The following GLDC variants were observed in gnomAD, a reference collection of about 807,000 sequenced individuals.
The protein encoded by GLDC is glycine dehydrogenase (decarboxylating), mitochondrial.
Under a neutral mutation model 121.3 loss-of-function variants are expected in GLDC, and 104 were observed. The observed-to-expected ratio is 0.86, with a 90% CI of 0.73 to 1.01. The LOEUF (loss-of-function observed/expected upper bound fraction) is 1.01. GLDC is among the 50% of genes least tolerant of loss of function. The pLI is 0.00. For missense variants in GLDC, 1,429 were observed against 1,306.6 expected, an observed-to-expected ratio of 1.09 and a Z score of -1.44; for synonymous variants, 546 against 480.6, an observed-to-expected ratio of 1.14 and a Z score of -1.78.
chr9:6,570,661 C>T (rs1488238162), intron 15 of GLDC, among the ~76,000 whole-genome samples: 1 of 152,088 alleles, frequency 6.6e-6, no homozygotes, highest in African/African-American at 2.4e-5. Flanking sequence ...CGAGACCAAC[C>T]TGGCCAACAT....
At chr9:6,613,208 G>C (rs895633936) in intron 3 of GLDC, among the ~76,000 whole-genome samples, 4 of 152,174 alleles carry the variant, frequency 2.6e-5, no homozygotes, top group Non-Finnish European at 5.9e-5. Flanking sequence ...TTTGTAACAA[G>C]TTGGAAAATC....
chr9:6,592,187 C>G lies in GLDC; in HGVS notation c.1438G>C (p.Asp480His), dbSNP rs1818387907. 6.2e-7 allele frequency: 1 copy of G among 1,608,802 alleles called. No individual in the cohort carries two copies. Among genetic ancestry groups the G allele is most frequent in the Admixed American group, 1.7e-5 (1 of 60,002 alleles). The change falls in exon 11 of 25, where the codon GAT (aspartate) becomes CAT (histidine). Residue 480 changes from aspartate to histidine, a missense_variant. Asp to His is a moderately conservative substitution (Grantham distance 81). Coordinates refer to ENST00000321612, the MANE Select transcript of GLDC (RefSeq NM_000170.3). ...ISLDETVNEK[D>H]LDDLLWIFGC... ...AAGATCCACAACAAATCGTCCAGAT[C>G]TTTTTCATTGACTGTTTCATCAAGA...
intron 21 of GLDC, among the ~76,000 whole-genome samples, chr9:6,549,620 C>T (rs1817467824): frequency 6.6e-6 from 1 of 152,142 alleles, no homozygotes; most frequent in Non-Finnish European, 1.5e-5. Context: ...CAAGACTCAG[C>T]TATTAGGTCC....
At chr9:6,643,172 A>G (rs925974170) in intron 2 of GLDC, among the ~76,000 whole-genome samples, 3 of 152,126 alleles carry the variant, frequency 2.0e-5, no homozygotes, top group Non-Finnish European at 4.4e-5. Context: ...TGCTGAGATT[A>G]TAGGCATTTG....
At chr9:6,632,966 C>G (rs941840371) in intron 2 of GLDC, among the ~76,000 whole-genome samples, 21 of 151,878 alleles carry the variant, frequency 1.4e-4, no homozygotes, top group African/African-American at 4.8e-4. Flanking sequence ...CACCCAGATG[C>G]TCTCAGCAGA....
At chr9:6,631,056 T>A (rs1393668195) in intron 2 of GLDC, among the ~76,000 whole-genome samples, 1 of 152,198 alleles carries the variant, frequency 6.6e-6, no homozygotes, top group Non-Finnish European at 1.5e-5. Context: ...AAACTGAACC[T>A]AAAACCCTTG....
intron 3 of GLDC, among the ~76,000 whole-genome samples, chr9:6,612,938 G>A (rs990509334): frequency 4.6e-5 from 7 of 152,118 alleles, no homozygotes; most frequent in African/African-American, 9.7e-5. Context: ...CTGCACTCCC[G>A]CCTGGGTGAC....
At chr9:6,625,373 A>G (rs1236713122) in intron 2 of GLDC, among the ~76,000 whole-genome samples, 2 of 152,204 alleles carry the variant, frequency 1.3e-5, no homozygotes, top group African/African-American at 4.8e-5. Context: ...TCAATGGCTG[A>G]CTTTATTTGG....
intron 3 of GLDC, among the ~76,000 whole-genome samples, chr9:6,611,482 C>T (rs530850997): frequency 2.7e-5 from 4 of 150,800 alleles, no homozygotes; most frequent in African/African-American, 4.9e-5. Flanking sequence ...CTTGAACCCG[C>T]GGGGCGGAGG....
chr9:6,587,905 GA>G (rs954973452), intron 14 of GLDC, among the ~76,000 whole-genome samples: 1 of 150,538 alleles, frequency 6.6e-6, no homozygotes, highest in Non-Finnish European at 1.5e-5. Context: ...ATGAAAGAAA[GA>G]AAAAAAAAGC....
chr9:6,612,884 G>T (rs974333541), intron 3 of GLDC, among the ~76,000 whole-genome samples: 1 of 151,552 alleles, frequency 6.6e-6, no homozygotes, highest in East Asian at 1.9e-4. Context: ...ATAACCATGA[G>T]GCTGGAGGAT....
chr9:6,534,614 G>A (rs527751660), intron 24 of GLDC, 94 bp downstream of exon 24: 4 of 735,726 alleles, frequency 5.4e-6, no homozygotes, highest in Non-Finnish European at 9.9e-6. Context: ...CCCACATATG[G>A]TTTCTGTAAT....
At chr9:6,617,179 C>T (rs1249002318) in intron 3 of GLDC, among the ~76,000 whole-genome samples, 1 of 152,174 alleles carries the variant, frequency 6.6e-6, no homozygotes, top group Non-Finnish European at 1.5e-5. Context: ...CCCACATGTG[C>T]ACAGCCCTCC....
chr9:6,620,642 G>T (rs895043140), intron 2 of GLDC, among the ~76,000 whole-genome samples: 1 of 152,018 alleles, frequency 6.6e-6, no homozygotes, highest in African/African-American at 2.4e-5. Context: ...TATTTCTGCT[G>T]TATATACGCT....
intron 2 of GLDC, among the ~76,000 whole-genome samples, chr9:6,622,457 T>C (rs905071020): frequency 5.9e-5 from 9 of 151,336 alleles, no homozygotes; most frequent in South Asian, 2.1e-4. Flanking sequence ...TTGGCCGGGC[T>C]GGTCTCCAGC....
At chr9:6,588,255 T>C (rs531575589) in intron 14 of GLDC, 146 bp downstream of exon 14, 71 of 750,094 alleles carry the variant, frequency 9.5e-5, no homozygotes, top group Non-Finnish European at 1.5e-4. Context: ...ACTCCCAAGA[T>C]TGGTGAATAG....
intron 8 of GLDC, among the ~76,000 whole-genome samples, chr9:6,599,720 C>CAAAAAAAAAA (rs549444099): frequency 6.3e-4 from 76 of 120,712 alleles, no homozygotes; most frequent in African/African-American, 2.4e-3. Flanking sequence ...GACTCCATCT[C>CAAAAAAAAAA]AAAAAAAAAA....
chr9:6,570,260 A>T (rs928329296), intron 15 of GLDC, among the ~76,000 whole-genome samples: 3 of 152,254 alleles, frequency 2.0e-5, no homozygotes, highest in Non-Finnish European at 2.9e-5. Context: ...TTTTTATACA[A>T]GTCAAAAGAT....
rs754670348 is a variant in GLDC at position 6,553,492 on chromosome 9, G to C, written c.2333C>G (p.Pro778Arg). The C allele has an allele frequency of 6.2e-7, 1 of 1,612,734 alleles. No homozygotes were observed. The highest frequency in any genetic ancestry group is 8.5e-7 in the Non-Finnish European group (1 of 1,179,516). Residue 778 changes from proline to arginine, a missense_variant, in exon 20 of 25, where the codon CCG becomes CGG. By Grantham distance (103) the Pro-to-Arg change is moderately radical (BLOSUM62 -2). Coordinates refer to ENST00000321612, the MANE Select transcript of GLDC (RefSeq NM_000170.3). The part of the protein sequence containing the change: ...GPIGVKKHLA[P>R]FLPNHPVISL... ...AATGACGGGATGATTGGGCAAAAACGGGGCGAGATGTTTCTTCCTGTATTT... is the reference window on the plus strand; with the variant it reads ...AATGACGGGATGATTGGGCAAAAACCGGGCGAGATGTTTCTTCCTGTATTT...
Sources: allele counts gnomAD v4.1 joint callset (sites outside exome capture counted in the v4.1 genomes callset), GRCh38; gene constraint gnomAD v4.1.1; transcripts MANE v1.5; gene names NCBI Gene and HGNC (gene_info 2026-07-23, HGNC 2026-07-21).